SLX4: variants seen among roughly 807,000 people sequenced by gnomAD.
SLX4 encodes SLX4 structure-specific endonuclease subunit, also known as structure-specific endonuclease subunit SLX4.
A neutral mutation model predicts 146.2 loss-of-function variants in SLX4; 112 were observed. The observed-to-expected ratio is 0.77, with a 90% CI of 0.66 to 0.90. SLX4 has a LOEUF of 0.90. SLX4 is among the 40% of genes least tolerant of loss of function. The pLI, the probability that SLX4 is intolerant of heterozygous loss-of-function variation, is 0.00. For missense variants in SLX4, 2,563 were observed against 2,392.7 expected, an observed-to-expected ratio of 1.07 and a Z score of -1.49; for synonymous variants, 1,061 against 997.7, an observed-to-expected ratio of 1.06 and a Z score of -1.20.
Position 3,581,973 on chromosome 16 carries a change from G to A in SLX4, c.*369C>T. Reference sequence around the variant, plus strand: ...CAGGAGAATTGCTTGAACCCGGGAGGCGGAGGTTGCAGTGAGCCGAGATTG... The same window carrying A: ...CAGGAGAATTGCTTGAACCCGGGAGACGGAGGTTGCAGTGAGCCGAGATTG... On this transcript the variant is annotated 3_prime_UTR_variant, in exon 15 of 15. Coordinates refer to ENST00000294008, the MANE Select transcript of SLX4 (RefSeq NM_032444.4). The A allele has an allele frequency of 3.5e-6, 1 of 286,868 alleles. No individual in the cohort carries two copies. The highest frequency in any genetic ancestry group is 6.7e-6 in the Non-Finnish European group (1 of 149,628). The allele number at this position is 286,868 out of a possible 1,614,324, so 17.8% of individuals were successfully genotyped here.
chr16:3,597,234 C>T lies in SLX4; in HGVS notation c.1683+145G>A, dbSNP rs2040670787. 2.3e-6 allele frequency: 2 copies of T among 877,616 alleles called. No homozygotes were observed. The highest frequency in any genetic ancestry group is 3.4e-6 in the Non-Finnish European group (2 of 589,576). The allele number at this position is 877,616 out of a possible 1,614,324, so 54.4% of individuals were successfully genotyped here. On this transcript the variant is annotated intron_variant, in intron 7 of 14. Coordinates refer to ENST00000294008, the MANE Select transcript of SLX4 (RefSeq NM_032444.4). This position sits in a 1 kb window ranked among gnomAD's most constrained non-coding sequence, Gnocchi z 4.4. ...GCTGGACAGAGAAGAAAGCTGCAGC[C>T]ACCAAGTGCCCCTCTGGCCTCCTCC...
intron 4 of SLX4, 156 bp from the exon 5 acceptor site, chr16:3,601,347 C>A: frequency 1.4e-6 from 1 of 726,358 alleles, no homozygotes; most frequent in South Asian, 1.5e-5. Context: ...CGGCAGTCAG[C>A]CCCTAGACAC....
chr16:3,584,908 G>C, intron 12 of SLX4, 37 bp from the exon 13 acceptor site: 3 of 1,420,654 alleles, frequency 2.1e-6, no homozygotes, highest in Non-Finnish European at 3.0e-6. Flanking sequence ...TTTAGCATGA[G>C]GGACACGGAT....
rs769340989 is a variant in SLX4 at position 3,608,537 on chromosome 16, A to G, written c.428T>C (p.Val143Ala). 2 of 1,614,060 alleles carry G rather than the reference A, an allele frequency of 1.2e-6. No individual in the cohort carries two copies. Among genetic ancestry groups the G allele is most frequent in the Non-Finnish European group, 1.7e-6 (2 of 1,180,018 alleles). ...AGGTGGATCTGGAGCAGAGGCAAGC[A>G]CACCCCCCTCCCCATTCACAGAGTG... is the stretch of plus-strand genomic sequence containing the variant. ...PAHSVNGEGG[V>A]LASAPDPPVL... Residue 143 changes from valine (V) to alanine (A), a missense_variant, in exon 2 of 15, where the codon GTG (valine) becomes GCG (alanine). Physicochemically the swap from Val to Ala is moderately conservative, Grantham distance 64. Coordinates refer to ENST00000294008, the MANE Select transcript of SLX4 (RefSeq NM_032444.4).
At chr16:3,607,476 A>G (rs1426844610) in intron 2 of SLX4, among the ~76,000 whole-genome samples, 1 of 152,236 alleles carries the variant, frequency 6.6e-6, no homozygotes, top group Admixed American at 6.5e-5. Context: ...TGTAGTAAGC[A>G]TATAGCTCAG....
rs748466442 is a variant in SLX4 at position 3,608,805 on chromosome 16, G to A, written c.160C>T (p.Leu54Phe). The stretch of plus-strand genomic sequence containing the variant: ...ACCCTTTGGAAAAAGCTAGCGCAGA[G>A]TTCTTTAAAGTCCTCATCAGACTCA... ...MDESDEDFKE[L>F]CASFFQRVKK... Residue 54 changes from leucine to phenylalanine, a missense_variant, in exon 2 of 15, where the codon CTC becomes TTC. Coordinates refer to ENST00000294008, the MANE Select transcript of SLX4 (RefSeq NM_032444.4). 3 of 1,614,156 alleles carry A rather than the reference G, an allele frequency of 1.9e-6. No homozygotes were observed. The highest frequency in any genetic ancestry group is 2.2e-5 in the East Asian group (1 of 44,888).
intron 2 of SLX4, among the ~76,000 whole-genome samples, chr16:3,608,012 C>T (rs1270840729): frequency 1.3e-5 from 2 of 152,212 alleles, no homozygotes; most frequent in South Asian, 2.1e-4. Context: ...TTATGTTTTT[C>T]TTGACTGTTG....
chr16:3,585,597 A>G (rs1388546728), intron 12 of SLX4, among the ~76,000 whole-genome samples: 1 of 150,830 alleles, frequency 6.6e-6, no homozygotes, highest in African/African-American at 2.4e-5. Flanking sequence ...AAAAAAAAAA[A>G]AAAAAAGGGC....
chr16:3,606,794 C>G (rs1331835802), intron 2 of SLX4, 96 bp from the exon 3 acceptor site: 1 of 1,304,290 alleles, frequency 7.7e-7, no homozygotes, highest in East Asian at 2.3e-5. Flanking sequence ...TTCAAGAGTC[C>G]TTTATCAACT....
In SLX4 at chr16:3,609,227, T is replaced by A. The variant is rs2040822129; in HGVS notation, c.-263A>T. ...TTCGAGACCAGCCTGGCCAATATGGTGAAACCTCGTTTCAACTGAAAATAC... is the reference window on the plus strand; with the variant it reads ...TTCGAGACCAGCCTGGCCAATATGGAGAAACCTCGTTTCAACTGAAAATAC... On this transcript the variant is annotated 5_prime_UTR_variant, in exon 2 of 15. Coordinates refer to ENST00000294008, the MANE Select transcript of SLX4 (RefSeq NM_032444.4). 2.5e-6 allele frequency: 1 copy of A among 399,136 alleles called. No individual in the cohort carries two copies. The highest frequency in any genetic ancestry group is 4.5e-5 in the East Asian group (1 of 22,326). The allele number at this position is 399,136 out of a possible 1,614,324, so 24.7% of individuals were successfully genotyped here. A position where few individuals can be genotyped will look rare whatever the true frequency, so the allele number is the denominator to read the frequency against.
At chr16:3,586,519 C>G (rs1332176813) in intron 12 of SLX4, among the ~76,000 whole-genome samples, 2 of 151,916 alleles carry the variant, frequency 1.3e-5, no homozygotes, top group East Asian at 3.9e-4. Flanking sequence ...AGACCCCTGA[C>G]TCAAAAACAG....
intron 11 of SLX4, 113 bp downstream of exon 11, chr16:3,592,586 G>C: frequency 8.0e-7 from 1 of 1,247,106 alleles, no homozygotes; most frequent in South Asian, 1.3e-5. Flanking sequence ...GGTATAAACA[G>C]GACTGTTAGT....
chr16:3,600,787 G>A (rs71388527), intron 5 of SLX4, 192 bp downstream of exon 5: 1 of 595,540 alleles, frequency 1.7e-6, no homozygotes, highest in African/African-American at 1.9e-5. Flanking sequence ...GTAGAGACGA[G>A]ATTGTACCAT....
intron 14 of SLX4, among the ~76,000 whole-genome samples, 181 bp from the exon 15 acceptor site, chr16:3,582,874 C>G (rs1004740586): frequency 6.6e-6 from 1 of 152,176 alleles, no homozygotes; most frequent in Non-Finnish European, 1.5e-5. Flanking sequence ...GGATCCTGCC[C>G]CAGCCAGAAA....
At chr16:3,602,024 C>T in intron 4 of SLX4, 94 bp downstream of exon 4, 2 of 1,468,350 alleles carry the variant, frequency 1.4e-6, no homozygotes, top group African/African-American at 1.4e-5. Context: ...GTGCTGTTGT[C>T]ATGGTAAGGT....
At chr16:3,598,284 T>C (rs1056525272) in intron 5 of SLX4, among the ~76,000 whole-genome samples, 5 of 152,222 alleles carry the variant, frequency 3.3e-5, no homozygotes, top group South Asian at 2.1e-4. Flanking sequence ...CACATCCTCA[T>C]GTGGCCAAGC....
At chr16:3,592,271 G>C (rs970982964) in intron 11 of SLX4, among the ~76,000 whole-genome samples, 2 of 152,262 alleles carry the variant, frequency 1.3e-5, no homozygotes, top group Non-Finnish European at 1.5e-5. Context: ...GGCTGGACAA[G>C]CCAGGAGAGC....
chr16:3,611,222 G>A (rs2040865742), intron 1 of SLX4, among the ~76,000 whole-genome samples: 1 of 152,240 alleles, frequency 6.6e-6, no homozygotes, highest in Non-Finnish European at 1.5e-5. Flanking sequence ...CCTACGGAAA[G>A]GGGCTGAGGG....
chr16:3,597,553 A>T lies in SLX4; in HGVS notation c.1509T>A (p.Leu503=). 1 of 1,614,118 alleles carries T rather than the reference A, an allele frequency of 6.2e-7. No individual in the cohort carries two copies. Among genetic ancestry groups the T allele is most frequent in the Non-Finnish European group, 8.5e-7 (1 of 1,180,028 alleles). Residue 503 remains leucine (L), a synonymous_variant, in exon 7 of 15, where the codon CTT becomes CTA. Coordinates refer to ENST00000294008, the MANE Select transcript of SLX4 (RefSeq NM_032444.4). The surrounding 1 kb of genome is among the most constrained non-coding windows in gnomAD (Gnocchi z 4.4). ...EEVELSSTPP[L]PASRILKEGW... The stretch of plus-strand genomic sequence containing the variant: ...CTTCCTTTAAAATCCTGCTGGCAGG[A>T]AGTGGTGGCGTGCTAGACAATTCCA...
Sources: gnomAD v4.1 joint callset for allele counts (sites outside exome capture counted in the v4.1 genomes callset) on GRCh38, gnomAD v4.1.1 for gene constraint, Gnocchi (gnomAD v3.1) non-coding constraint, MANE v1.5 for transcripts, NCBI Gene and HGNC (gene_info 2026-07-23, HGNC 2026-07-21) for gene names.